TENM1: variants seen among roughly 807,000 people sequenced by gnomAD.
TENM1 encodes teneurin-1.
A neutral mutation model predicts 174.8 loss-of-function variants in TENM1; 35 were observed. The ratio of observed to expected loss-of-function variants is 0.20; its 90% confidence interval spans 0.15 to 0.27. The LOEUF is 0.27. Among genes scored for constraint, TENM1 ranks in the 10% least tolerant of loss-of-function variants. TENM1 has a pLI of 1.00. For missense variants in TENM1, 1,633 were observed against 2,130.1 expected, an observed-to-expected ratio of 0.77 and a Z score of 4.59; for synonymous variants, 781 against 798.7, an observed-to-expected ratio of 0.98 and a Z score of 0.37.
the TENM1 span, among the ~76,000 whole-genome samples, chrX:125,019,709 G>A: frequency 6.3e-5 from 7 of 110,607 alleles, no homozygotes; most frequent in African/African-American, 2.3e-4. Context: ...TTCTCTGGGC[G>A]GCCTTGAGCA....
intron 6 of TENM1, among the ~76,000 whole-genome samples, chrX:124,657,873 T>C (rs776026132): frequency 8.9e-6 from 1 of 112,377 alleles, no homozygotes. Context: ...AAGAAATATA[T>C]GCATTCAGAG....
the TENM1 span, among the ~76,000 whole-genome samples, chrX:125,118,481 T>C: frequency 8.9e-6 from 1 of 111,998 alleles, no homozygotes; most frequent in South Asian, 3.7e-4. Context: ...AGGCAAGCCA[T>C]ACACTGGGAG....
At chrX:125,043,907 C>T in the TENM1 span, among the ~76,000 whole-genome samples, 30 of 8,087 alleles carry the variant, frequency 3.7e-3, no homozygotes, top group Non-Finnish European at 5.5e-3. Context: ...AGTAAACTAT[C>T]GCAAGAACAA....
At chrX:124,913,409 G>A (rs2057868790) in intron 1 of TENM1, among the ~76,000 whole-genome samples, 1 of 111,619 alleles carries the variant, frequency 9.0e-6, no homozygotes, top group South Asian at 3.7e-4. Context: ...CTAGTTTGAA[G>A]AGTTAATGTG....
chrX:125,162,353 G>A, the TENM1 span, among the ~76,000 whole-genome samples: 3 of 112,222 alleles, frequency 2.7e-5, no homozygotes, highest in Admixed American at 1.9e-4. Context: ...GACACAGAAT[G>A]TATCTCTTCT....
the TENM1 span, among the ~76,000 whole-genome samples, chrX:124,993,778 A>G: frequency 2.6e-3 from 292 of 110,698 alleles, 1 homozygote; most frequent in African/African-American, 9.2e-3. Context: ...AATATTTACT[A>G]TATAATTTTA....
At chrX:124,447,272 G>A (rs1474198285) in intron 23 of TENM1, among the ~76,000 whole-genome samples, 2 of 111,324 alleles carry the variant, frequency 1.8e-5, no homozygotes, top group African/African-American at 6.5e-5. Context: ...GGAAGCTCTG[G>A]TCATAATGGC....
chrX:124,711,304 A>C (rs1451927793), intron 4 of TENM1, among the ~76,000 whole-genome samples: 3 of 112,071 alleles, frequency 2.7e-5, no homozygotes, highest in Non-Finnish European at 3.8e-5. Context: ...AAAGGGGAAA[A>C]TGTGCTCTCT....
chrX:124,420,492 C>T (rs755951668), exon 25 of TENM1: 1 of 1,212,149 alleles, frequency 8.2e-7, no homozygotes, highest in South Asian at 1.8e-5. Flanking sequence ...GGCATTCCGC[C>T]TGCATCACGG....
the TENM1 span, among the ~76,000 whole-genome samples, chrX:125,123,528 G>A: frequency 1.8e-4 from 20 of 111,344 alleles, no homozygotes; most frequent in South Asian, 3.8e-4. Context: ...AGGATCTCTT[G>A]AACCCATGAG....
At chrX:124,486,173 A>T (rs779846080) in intron 21 of TENM1, among the ~76,000 whole-genome samples, 1 of 112,019 alleles carries the variant, frequency 8.9e-6, no homozygotes, top group African/African-American at 3.2e-5. Context: ...ATTTGCTTTA[A>T]TCCCTTGTGT....
chrX:125,167,973 A>G, the TENM1 span, among the ~76,000 whole-genome samples: 1 of 111,524 alleles, frequency 9.0e-6, no homozygotes, highest in South Asian at 3.7e-4. Context: ...AAATTGTTAT[A>G]TTCAGTCAAA....
At chrX:124,785,401 G>T (rs193055415) in intron 3 of TENM1, among the ~76,000 whole-genome samples, 1 of 111,643 alleles carries the variant, frequency 9.0e-6, no homozygotes, top group East Asian at 2.8e-4. Context: ...AGTATCTGAT[G>T]CTGGGCCAGG....
chrX:125,170,703 G>A, the TENM1 span, among the ~76,000 whole-genome samples: 1 of 111,170 alleles, frequency 9.0e-6, no homozygotes, highest in African/African-American at 3.3e-5. Context: ...GCTCAAGGGT[G>A]TATACCCTCT....
chrX:125,139,823 AACACACAC>A, the TENM1 span, among the ~76,000 whole-genome samples: 11 of 78,527 alleles, frequency 1.4e-4, no homozygotes, highest in Non-Finnish European at 2.7e-4. Flanking sequence ...AGCTGCCCTC[AACACACAC>A]ACACACACAC....
intron 21 of TENM1, among the ~76,000 whole-genome samples, chrX:124,486,078 T>C (rs1415067973): frequency 8.9e-6 from 1 of 112,018 alleles, no homozygotes; most frequent in Non-Finnish European, 1.9e-5. Context: ...TCAAGTGTAC[T>C]TTAGCTCTTT....
chrX:124,856,698 A>G (rs1254840407), intron 3 of TENM1, among the ~76,000 whole-genome samples: 1 of 111,301 alleles, frequency 9.0e-6, no homozygotes, highest in Non-Finnish European at 1.9e-5. Context: ...TTCTTTAGTC[A>G]TTGCCTCAGA....
the TENM1 span, among the ~76,000 whole-genome samples, chrX:125,040,256 A>G: frequency 9.0e-6 from 1 of 111,046 alleles, no homozygotes; most frequent in African/African-American, 3.3e-5. Context: ...ATTCACATTC[A>G]TTCCTAATTT....
chrX:124,414,690 T>C (rs1306035887), intron 25 of TENM1, among the ~76,000 whole-genome samples: 2 of 111,505 alleles, frequency 1.8e-5, no homozygotes, highest in Admixed American at 1.9e-4. Flanking sequence ...TCACACTACC[T>C]AATAAAAGCC....
Sources: allele counts gnomAD v4.1 joint callset (sites outside exome capture counted in the v4.1 genomes callset), GRCh38; gene constraint gnomAD v4.1.1; transcripts MANE v1.5; gene names NCBI Gene and HGNC (gene_info 2026-07-23, HGNC 2026-07-21).